Variants in NAALADL2 observed in about 807,000 individuals in gnomAD.
The protein encoded by NAALADL2 is N-acetylated alpha-linked acidic dipeptidase like 2.
In NAALADL2, 76 loss-of-function variants were observed where a neutral mutation model predicts 87.2. That is an observed-to-expected ratio of 0.87 (90% confidence interval 0.72 to 1.05). The LOEUF is 1.05. NAALADL2 is among the 50% of genes least tolerant of loss of function. NAALADL2 has a pLI of 0.00. For missense variants in NAALADL2, 1,089 were observed against 945.8 expected (o/e 1.15, Z -1.99); for synonymous variants, 354 against 331.0 (o/e 1.07, Z -0.75).
chr3:175,608,019 C>T (rs180903331), intron 10 of NAALADL2, among the ~76,000 whole-genome samples: 30 of 151,516 alleles, frequency 2.0e-4, no homozygotes, highest in African/African-American at 6.0e-4. Context: ...GATTTTTGCC[C>T]GAGGTCACTA....
intron 1 of NAALADL2, among the ~76,000 whole-genome samples, chr3:174,529,774 A>T (rs1168552881): frequency 1.3e-5 from 2 of 152,262 alleles, no homozygotes; most frequent in East Asian, 1.9e-4. Flanking sequence ...CCCAGGCTCT[A>T]TGTTGGCCCC....
chr3:175,315,392 TTATA>T (rs1287136652), intron 4 of NAALADL2, among the ~76,000 whole-genome samples: 1 of 152,182 alleles, frequency 6.6e-6, no homozygotes, highest in African/African-American at 2.4e-5. Context: ...TGTGAAATAT[TTATA>T]TATTTTTGAG....
At chr3:174,995,012 A>AT (rs773040523) in intron 1 of NAALADL2, among the ~76,000 whole-genome samples, 1 of 152,070 alleles carries the variant, frequency 6.6e-6, no homozygotes, top group African/African-American at 2.4e-5. Context: ...TTCTTTGCCT[A>AT]TTAGTGCTTC....
intron 2 of NAALADL2, among the ~76,000 whole-genome samples, chr3:174,708,630 T>G (rs1730335862): frequency 6.6e-6 from 1 of 152,170 alleles, no homozygotes; most frequent in South Asian, 2.1e-4. Context: ...AGTTTATGTT[T>G]GTTTGTAAAT....
In NAALADL2 at chr3:175,365,112, A is replaced by G. The variant is rs1765415645; in HGVS notation, c.1090+40787A>G. On this transcript the variant is annotated intron_variant, in intron 5 of 13. Coordinates refer to ENST00000454872, the MANE Select transcript of NAALADL2 (RefSeq NM_207015.3). ...ATTCTATGCCAATTGGGTGGATGAT[A>G]TATTTGATTCCATATTATTAACACT... 2.0e-5 allele frequency among the ~76,000 whole-genome samples: 3 copies of G among 147,410 alleles called. 1 individual carries two copies. In the South Asian group the frequency reaches 6.7e-4, roughly 33 times the overall value.
At chr3:174,636,763 TA>T (rs1041128755) in intron 2 of NAALADL2, among the ~76,000 whole-genome samples, 2 of 151,616 alleles carry the variant, frequency 1.3e-5, no homozygotes, top group Admixed American at 6.6e-5. Flanking sequence ...GTCAAAAAAA[TA>T]AAAAAAACTA....
At chr3:175,485,039 T>C (rs1727050851) in intron 9 of NAALADL2, among the ~76,000 whole-genome samples, 1 of 152,174 alleles carries the variant, frequency 6.6e-6, no homozygotes, top group Non-Finnish European at 1.5e-5. Flanking sequence ...TATATGAATG[T>C]ATATCTAGAA....
intron 3 of NAALADL2, among the ~76,000 whole-genome samples, chr3:174,796,562 T>C (rs958306909): frequency 2.6e-5 from 4 of 152,064 alleles, no homozygotes; most frequent in Non-Finnish European, 5.9e-5. Context: ...TTTAATTGTT[T>C]TTTTAATGGC....
intron 11 of NAALADL2, among the ~76,000 whole-genome samples, chr3:175,655,902 C>T (rs887761512): frequency 5.3e-5 from 8 of 152,142 alleles, no homozygotes; most frequent in South Asian, 4.1e-4. Context: ...AAAAGTAATA[C>T]GCCCTTTGTG....
intron 3 of NAALADL2, among the ~76,000 whole-genome samples, chr3:174,791,169 T>A (rs1717413851): frequency 2.6e-5 from 4 of 152,222 alleles, no homozygotes; most frequent in Admixed American, 2.6e-4. Context: ...TAAAACTTCT[T>A]ATGAAATTAA....
At chr3:175,505,461 T>C (rs754827709) in intron 9 of NAALADL2, among the ~76,000 whole-genome samples, 4 of 152,142 alleles carry the variant, frequency 2.6e-5, no homozygotes, top group Non-Finnish European at 2.9e-5. Context: ...TAATCCAGTA[T>C]GGTTTGTTTC....
chr3:175,764,918 A>G (rs1748500985), intron 13 of NAALADL2, among the ~76,000 whole-genome samples: 1 of 152,092 alleles, frequency 6.6e-6, no homozygotes. Flanking sequence ...AAAGGACCTC[A>G]TGTTCCGTGT....
At chr3:175,746,713 T>G (rs574474858) in intron 12 of NAALADL2, among the ~76,000 whole-genome samples, 19 of 152,348 alleles carry the variant, frequency 1.2e-4, no homozygotes, top group African/African-American at 4.3e-4. Context: ...CTCTAAAGCA[T>G]TCAATGAGAA....
At chr3:175,132,662 A>AC (rs1308508653) in intron 2 of NAALADL2, among the ~76,000 whole-genome samples, 3 of 102,338 alleles carry the variant, frequency 2.9e-5, no homozygotes, top group African/African-American at 1.3e-4. Context: ...CGGGGGGCTG[A>AC]CCCCTCCACC....
At chr3:175,476,292 C>T (rs1238198500) in intron 9 of NAALADL2, among the ~76,000 whole-genome samples, 1 of 152,154 alleles carries the variant, frequency 6.6e-6, no homozygotes, top group Non-Finnish European at 1.5e-5. Context: ...AAGCTGTGCA[C>T]AGCATTGCTT....
chr3:175,758,299 CTT>C (rs1747537260), intron 13 of NAALADL2, among the ~76,000 whole-genome samples: 1 of 151,936 alleles, frequency 6.6e-6, no homozygotes, highest in Admixed American at 6.6e-5. Context: ...CTGGTTCACT[CTT>C]TTGAAATTGT....
intron 3 of NAALADL2, among the ~76,000 whole-genome samples, chr3:174,820,549 G>A (rs1721306527): frequency 2.0e-5 from 3 of 151,986 alleles, no homozygotes; most frequent in South Asian, 4.1e-4. Context: ...TTACTAATTT[G>A]TTAACAATCC....
At chr3:175,248,332 A>G (rs949386068) in intron 3 of NAALADL2, among the ~76,000 whole-genome samples, 7 of 152,260 alleles carry the variant, frequency 4.6e-5, no homozygotes, top group East Asian at 1.9e-4. Flanking sequence ...TAATGAATAC[A>G]TAATACTTGT....
intron 1 of NAALADL2, among the ~76,000 whole-genome samples, chr3:175,067,385 A>C (rs762240723): frequency 6.6e-6 from 1 of 152,120 alleles, no homozygotes; most frequent in Non-Finnish European, 1.5e-5. Flanking sequence ...AAGAAACTTA[A>C]ACAACTCAAC....
Sources: allele counts gnomAD v4.1 joint callset (sites outside exome capture counted in the v4.1 genomes callset), GRCh38; gene constraint gnomAD v4.1.1; transcripts MANE v1.5; gene names NCBI Gene and HGNC (gene_info 2026-07-23, HGNC 2026-07-21).